CNTNAP2: variants seen among roughly 807,000 people sequenced by gnomAD.
The protein encoded by CNTNAP2 is contactin-associated protein-like 2.
CNTNAP2 carries 98 observed loss-of-function variants against 155.2 expected under a neutral mutation model. The ratio of observed to expected loss-of-function variants is 0.63; its 90% confidence interval spans 0.54 to 0.75. The LOEUF (loss-of-function observed/expected upper bound fraction) is 0.75. CNTNAP2 is among the 30% of genes least tolerant of loss of function. The pLI, the probability that CNTNAP2 is intolerant of heterozygous loss-of-function variation, is 0.00. For missense variants in CNTNAP2, 1,727 were observed against 1,688.1 expected (o/e 1.02, Z -0.40); for synonymous variants, 651 against 631.2 (o/e 1.03, Z -0.47).
intron 3 of CNTNAP2, among the ~76,000 whole-genome samples, chr7:146,907,472 C>G (rs945401981): frequency 6.1e-4 from 84 of 137,564 alleles, no homozygotes; most frequent in African/African-American, 2.1e-3. Flanking sequence ...CCCTACAAGC[C>G]AGAAGAGAGT....
chr7:148,133,772 A>G (rs1192134158), intron 16 of CNTNAP2: 7 of 152,272 alleles, frequency 4.6e-5, no homozygotes, highest in African/African-American at 1.7e-4. Flanking sequence ...AGTGATGATG[A>G]AAAGGGGAAA....
chr7:147,614,226 A>G (rs1485666801), intron 12 of CNTNAP2, among the ~76,000 whole-genome samples: 1 of 152,118 alleles, frequency 6.6e-6, no homozygotes, highest in African/African-American at 2.4e-5. Context: ...AATTTTTTCC[A>G]CCAGTTGCTC....
intron 9 of CNTNAP2, among the ~76,000 whole-genome samples, chr7:147,387,797 T>C (rs1796648125): frequency 6.6e-6 from 1 of 152,198 alleles, no homozygotes; most frequent in African/African-American, 2.4e-5. Flanking sequence ...GTCTCGTTCA[T>C]TAGATGGGGG....
At chr7:146,308,488 A>C (rs1800760180) in intron 1 of CNTNAP2, among the ~76,000 whole-genome samples, 2 of 152,140 alleles carry the variant, frequency 1.3e-5, no homozygotes, top group Non-Finnish European at 2.9e-5. Flanking sequence ...GCATATACCC[A>C]AAAGATTATA....
At chr7:146,855,435 T>G (rs1336679440) in intron 3 of CNTNAP2, among the ~76,000 whole-genome samples, 1 of 152,144 alleles carries the variant, frequency 6.6e-6, no homozygotes, top group Non-Finnish European at 1.5e-5. Flanking sequence ...ACTATCTTTA[T>G]GATCAAATAT....
At chr7:147,794,916 A>G (rs930249062) in intron 13 of CNTNAP2, among the ~76,000 whole-genome samples, 1 of 151,492 alleles carries the variant, frequency 6.6e-6, no homozygotes, top group African/African-American at 2.4e-5. Flanking sequence ...TTATTTCTGT[A>G]AAGTTCGTAG....
chr7:148,415,629 T>G lies in CNTNAP2; in HGVS notation c.*13T>G. On this transcript the variant is annotated 3_prime_UTR_variant, in exon 24 of 24. Transcript: ENST00000361727. ...ATGGCTCATTTGAGGGGTGGCTACT[T>G]GGCTATGGGATAGGGAGGAGGGAAT... 1 of 1,614,042 alleles carries G rather than the reference T, an allele frequency of 6.2e-7. No homozygotes were observed. Among genetic ancestry groups the G allele is most frequent in the Non-Finnish European group, 8.5e-7 (1 of 1,180,016 alleles).
At chr7:147,325,654 A>C (rs1177029457) in intron 9 of CNTNAP2, among the ~76,000 whole-genome samples, 1 of 152,366 alleles carries the variant, frequency 6.6e-6, no homozygotes, top group East Asian at 1.9e-4. Flanking sequence ...AGTGGGAAAA[A>C]ATATGTTAGT....
chr7:148,075,708 G>T (rs566746686), intron 15 of CNTNAP2, among the ~76,000 whole-genome samples: 1 of 152,318 alleles, frequency 6.6e-6, no homozygotes, highest in African/African-American at 2.4e-5. Context: ...TGCTGTCATT[G>T]ACAGGGAAAG....
chr7:147,498,022 A>G (rs1440492073), intron 11 of CNTNAP2, among the ~76,000 whole-genome samples: 2 of 152,188 alleles, frequency 1.3e-5, no homozygotes, highest in Admixed American at 6.5e-5. Context: ...TAGCAGTTCC[A>G]GGAGAGAAGT....
At chr7:146,201,859 AACAC>A (rs1798868095) in intron 1 of CNTNAP2, among the ~76,000 whole-genome samples, 1 of 152,166 alleles carries the variant, frequency 6.6e-6, no homozygotes, top group Admixed American at 6.6e-5. Context: ...AAGTTAGAGA[AACAC>A]ACAATAAAAT....
chr7:147,561,175 T>C (rs57803933), intron 11 of CNTNAP2, among the ~76,000 whole-genome samples: 25,757 of 152,050 alleles, frequency 0.17, 2,331 homozygotes, highest in East Asian at 0.36. Flanking sequence ...CAATGTTTTG[T>C]AATTTATTTT....
At chr7:147,280,302 T>C (rs1444560143) in intron 8 of CNTNAP2, among the ~76,000 whole-genome samples, 1 of 151,882 alleles carries the variant, frequency 6.6e-6, no homozygotes, top group Admixed American at 6.6e-5. Context: ...AAAAGCCCTT[T>C]TCTGTCTTTG....
chr7:147,601,595 C>G (rs1800944707), intron 12 of CNTNAP2, among the ~76,000 whole-genome samples: 1 of 138,092 alleles, frequency 7.2e-6, no homozygotes, highest in African/African-American at 2.7e-5. Flanking sequence ...AGAGGCCTGA[C>G]AAGTATATTT....
intron 1 of CNTNAP2, among the ~76,000 whole-genome samples, chr7:146,309,694 C>T (rs1009584014): frequency 1.3e-5 from 2 of 151,406 alleles, no homozygotes; most frequent in South Asian, 2.1e-4. Context: ...CCCAGCTACT[C>T]GGAGGATGAG....
chr7:147,711,848 C>T (rs535275577), intron 13 of CNTNAP2, among the ~76,000 whole-genome samples: 1 of 152,266 alleles, frequency 6.6e-6, no homozygotes, highest in African/African-American at 2.4e-5. Context: ...TGGCTTCTTT[C>T]CCTGTATGCT....
intron 12 of CNTNAP2, among the ~76,000 whole-genome samples, chr7:147,635,179 G>A (rs1795154632): frequency 7.8e-6 from 1 of 127,656 alleles, no homozygotes. Flanking sequence ...ATTATCACTG[G>A]CAAACTATAT....
chr7:148,341,286 T>A (rs6945495), intron 21 of CNTNAP2, among the ~76,000 whole-genome samples: 8 of 26,788 alleles, frequency 3.0e-4, no homozygotes, highest in African/African-American at 1.1e-3. Flanking sequence ...TTTTTTTTAA[T>A]TTTTTTTTTA....
At chr7:148,354,752 T>C (rs1798483607) in intron 21 of CNTNAP2, among the ~76,000 whole-genome samples, 1 of 152,082 alleles carries the variant, frequency 6.6e-6, no homozygotes, top group Non-Finnish European at 1.5e-5. Context: ...CAACTTTCTT[T>C]TTATGTTTCT....
Sources: allele counts gnomAD v4.1 joint callset (sites outside exome capture counted in the v4.1 genomes callset), GRCh38; gene constraint gnomAD v4.1.1; transcripts MANE v1.5; gene names NCBI Gene and HGNC (gene_info 2026-07-23, HGNC 2026-07-21).